Variants in PRKCH observed in about 807,000 individuals in gnomAD.
PRKCH encodes protein kinase C eta type.
PRKCH carries 28 observed loss-of-function variants against 82.5 expected under a neutral mutation model. That is an observed-to-expected ratio of 0.34 (90% CI 0.25 to 0.47). PRKCH has a LOEUF of 0.47. Among genes scored for constraint, PRKCH ranks in the 20% least tolerant of loss-of-function variants. The pLI is 1.00. For synonymous variants in PRKCH, 322 were observed against 327.4 expected, an observed-to-expected ratio of 0.98 and a Z score of 0.18; for missense variants, 705 against 881.8, an observed-to-expected ratio of 0.80 and a Z score of 2.54.
In PRKCH at chr14:61,280,522, G is replaced by A. The variant is rs751026374; in HGVS notation, c.-19+92854G>A. ...CGCCAGGCTGCCGTTGACCAGCGGC[G>A]GGTTGCGGAACTTGACGTGGTAGTC... On this transcript the variant is annotated intron_variant, in intron 1 of 3. Transcript: ENST00000555185. This position sits in a 1 kb window ranked among gnomAD's most constrained non-coding sequence, Gnocchi z 5.0. The A allele has an allele frequency of 1.2e-6, 2 of 1,612,562 alleles. No individual in the cohort carries two copies. Among genetic ancestry groups the A allele is most frequent in the African/African-American group, 1.3e-5 (1 of 74,910 alleles).
intron 6 of PRKCH, among the ~76,000 whole-genome samples, chr14:61,452,059 G>GACA (rs767898896): frequency 6.6e-6 from 1 of 152,192 alleles, no homozygotes; most frequent in East Asian, 1.9e-4. Context: ...TTGCATTGTT[G>GACA]CTGATGCGCA....
At position 61,321,798 on chromosome 14, in the gene PRKCH, G is replaced by A. The variant is rs531733311; in HGVS notation, c.-304G>A. The A allele has an allele frequency of 3.6e-6, 1 of 274,446 alleles. No individual in the cohort carries two copies. The highest frequency in any genetic ancestry group is 7.0e-6 in the Non-Finnish European group (1 of 143,014). The allele number at this position is 274,446 out of a possible 1,614,324, so 17.0% of individuals were successfully genotyped here. A position where few individuals can be genotyped will look rare whatever the true frequency, so the allele number is the denominator to read the frequency against. On this transcript the variant is annotated 5_prime_UTR_variant, in exon 1 of 14. Coordinates refer to ENST00000332981, the MANE Select transcript of PRKCH (RefSeq NM_006255.5). The surrounding 1 kb of genome is among the most constrained non-coding windows in gnomAD (Gnocchi z 4.1). ...AGAGGAGCTGCCCGGCCCTGGAGAA[G>A]GGGCGAGTCCTGCGCGAGTCCCCGG...
chr14:61,449,457 T>C (rs1313793380), intron 5 of PRKCH, among the ~76,000 whole-genome samples: 2 of 152,160 alleles, frequency 1.3e-5, no homozygotes, highest in African/African-American at 4.8e-5. Context: ...CTCTCCCTTT[T>C]TTTAAATTAT....
At chr14:61,306,578 G>A (rs1210956356) in intron 1 of PRKCH, 2 of 152,180 alleles carry the variant, frequency 1.3e-5, no homozygotes, top group African/African-American at 4.8e-5. Flanking sequence ...GTTGTCAAAT[G>A]TCTAGAATCA....
At chr14:61,396,409 A>T (rs192848382) in intron 2 of PRKCH, among the ~76,000 whole-genome samples, 1 of 152,364 alleles carries the variant, frequency 6.6e-6, no homozygotes, top group Non-Finnish European at 1.5e-5. Context: ...GAGAAGTGAC[A>T]TAAGAAAAAC....
chr14:61,511,206 G>A (rs918036088), intron 10 of PRKCH, among the ~76,000 whole-genome samples: 1 of 152,142 alleles, frequency 6.6e-6, no homozygotes. Context: ...ACTAGCAAGT[G>A]GGATCATTAA....
chr14:61,473,634 C>T (rs1885601211), intron 9 of PRKCH, among the ~76,000 whole-genome samples: 2 of 152,160 alleles, frequency 1.3e-5, no homozygotes, highest in African/African-American at 4.8e-5. Context: ...TTGTCAGAAA[C>T]ACACTTGAGA....
chr14:61,417,928 A>G (rs2209388), intron 2 of PRKCH, among the ~76,000 whole-genome samples: 56,885 of 152,040 alleles, frequency 0.37, 11,891 homozygotes, highest in African/African-American at 0.55. Flanking sequence ...TTATTTCTCT[A>G]CTGAAAGGGT....
rs202153655 is a variant in PRKCH at position 61,247,735 on chromosome 14, C to CAAAAAA, written c.-19+60085_-19+60090dup. On this transcript the variant is annotated intron_variant, in intron 1 of 3. Transcript: ENST00000555185. ...TGAGAGACAGAGTGAGACTCCATCT[C>CAAAAAA]AAAAAAAAAAAAAAAAAAAAAAAGA... 7.1e-3 allele frequency among the ~76,000 whole-genome samples: 367 copies of CAAAAAA among 51,576 alleles called. 1 individual carries two copies. The highest frequency in any genetic ancestry group is 0.013 in the East Asian group (17 of 1,294). 33.8% of individuals were successfully genotyped at this position (51,576 alleles called of 152,430 possible). A position where few individuals can be genotyped will look rare whatever the true frequency, so the allele number is the denominator to read the frequency against.
chr14:61,338,135 G>A (rs2045882155), intron 1 of PRKCH, among the ~76,000 whole-genome samples: 2 of 152,154 alleles, frequency 1.3e-5, no homozygotes, highest in Admixed American at 6.5e-5. Flanking sequence ...CCACTGATCT[G>A]CTTTCAGCCC....
At position 61,443,198 on chromosome 14, in the gene PRKCH, A is replaced by T. The variant is rs1042559; in HGVS notation, c.515A>T (p.His172Leu). 1 of 1,614,152 alleles carries T rather than the reference A, an allele frequency of 6.2e-7. No individual in the cohort carries two copies. The highest frequency in any genetic ancestry group is 8.5e-7 in the Non-Finnish European group (1 of 1,179,984). Residue 172 changes from histidine (H) to leucine (L), a missense_variant, in exon 3 of 14, where the codon CAC becomes CTC. By Grantham distance (99) the His-to-Leu change is moderately conservative (BLOSUM62 -3). Around this residue, in one of 5 missense-constraint regions of PRKCH, gnomAD observed 246 missense variants for 308.0 expected, o/e 0.80. Coordinates refer to ENST00000332981, the MANE Select transcript of PRKCH (RefSeq NM_006255.5). ...AGGCGAGTCCACCAGATCAATGGAC[A>T]CAAGTTCATGGCCACGTATCTGAGG... ...MRRRVHQING[H>L]KFMATYLRQP...
intron 1 of PRKCH, among the ~76,000 whole-genome samples, chr14:61,192,418 T>A (rs1404873417): frequency 6.6e-6 from 1 of 152,218 alleles, no homozygotes; most frequent in Admixed American, 6.5e-5. Flanking sequence ...TTAGAGATGG[T>A]GTAGGTAAAT....
At chr14:61,315,885 T>C (rs2045558264) in intron 1 of PRKCH, among the ~76,000 whole-genome samples, 1 of 151,770 alleles carries the variant, frequency 6.6e-6, no homozygotes, top group African/African-American at 2.4e-5. Flanking sequence ...GTAGCTGGGA[T>C]TACAGGGACA....
At chr14:61,325,669 C>G (rs2045685858) in intron 1 of PRKCH, among the ~76,000 whole-genome samples, 1 of 152,064 alleles carries the variant, frequency 6.6e-6, no homozygotes, top group South Asian at 2.1e-4. Context: ...AAAATAAAAA[C>G]CCAAGCCACA....
At chr14:61,329,686 T>G (rs1324179362) in intron 1 of PRKCH, among the ~76,000 whole-genome samples, 1 of 152,340 alleles carries the variant, frequency 6.6e-6, no homozygotes, top group East Asian at 1.9e-4. Flanking sequence ...AATTCTTCCT[T>G]GTGCTTCAGG....
chr14:61,386,727 C>T (rs763550945), intron 1 of PRKCH, among the ~76,000 whole-genome samples: 30 of 152,160 alleles, frequency 2.0e-4, no homozygotes, highest in Non-Finnish European at 3.5e-4. Context: ...ATAAAAGTTG[C>T]TGGAGCTGTT....
At chr14:61,428,108 C>T (rs4899045) in intron 2 of PRKCH, among the ~76,000 whole-genome samples, 1 of 77,430 alleles carries the variant, frequency 1.3e-5, no homozygotes. Flanking sequence ...TATATATATA[C>T]ACACATATAT....
chr14:61,504,516 C>T (rs1205019245), intron 10 of PRKCH, among the ~76,000 whole-genome samples: 2 of 152,174 alleles, frequency 1.3e-5, no homozygotes, highest in Admixed American at 1.3e-4. Flanking sequence ...GGGCGGTACA[C>T]TGCATGGTCA....
chr14:61,410,562 C>A (rs965547965), intron 2 of PRKCH, among the ~76,000 whole-genome samples: 1 of 152,128 alleles, frequency 6.6e-6, no homozygotes, highest in Non-Finnish European at 1.5e-5. Flanking sequence ...AGTCTAACTG[C>A]GTATTTGCTT....
Sources: gnomAD v4.1 joint callset for allele counts (sites outside exome capture counted in the v4.1 genomes callset) on GRCh38, gnomAD v4.1.1 for gene constraint, gnomAD v4.1.1 regional missense constraint, Gnocchi (gnomAD v3.1) non-coding constraint, MANE v1.5 for transcripts, NCBI Gene and HGNC (gene_info 2026-07-23, HGNC 2026-07-21) for gene names.